The following PPM1L variants were observed in gnomAD, a reference collection of about 807,000 sequenced individuals.
The protein encoded by PPM1L is protein phosphatase, Mg2+/Mn2+ dependent 1L.
Under a neutral mutation model 31.4 loss-of-function variants are expected in PPM1L, and 13 were observed. The ratio of observed to expected loss-of-function variants is 0.41; its 90% CI spans 0.27 to 0.66. The LOEUF is 0.66. Among genes scored for constraint, PPM1L ranks in the 30% least tolerant of loss-of-function variants. The probability of loss-of-function intolerance (pLI) is 0.29; values close to 1 mark genes in which losing one functional copy is unlikely to be tolerated. For synonymous variants in PPM1L, 184 were observed against 175.4 expected (o/e 1.05, Z -0.39); for missense variants, 326 against 453.7 (o/e 0.72, Z 2.56).
At chr3:161,036,714 T>C (rs1253350225) in intron 2 of PPM1L, among the ~76,000 whole-genome samples, 2 of 152,212 alleles carry the variant, frequency 1.3e-5, no homozygotes, top group African/African-American at 4.8e-5. Flanking sequence ...TTTAGTCCCA[T>C]ACTAGTCATT....
chr3:160,904,233 C>T (rs1425103092), intron 1 of PPM1L, among the ~76,000 whole-genome samples: 1 of 152,152 alleles, frequency 6.6e-6, no homozygotes, highest in Non-Finnish European at 1.5e-5. Context: ...CGATTTTACT[C>T]TAGATAATAT....
At chr3:160,996,232 T>C (rs1717318514) in intron 2 of PPM1L, among the ~76,000 whole-genome samples, 1 of 152,162 alleles carries the variant, frequency 6.6e-6, no homozygotes, top group Non-Finnish European at 1.5e-5. Context: ...ACAGTGTGGA[T>C]ATTCCTTAAA....
chr3:160,849,134 G>A (rs1191530704), intron 1 of PPM1L, among the ~76,000 whole-genome samples: 1 of 152,068 alleles, frequency 6.6e-6, no homozygotes, highest in African/African-American at 2.4e-5. Flanking sequence ...AATAATTGGT[G>A]TTTTCTGGTC....
chr3:160,948,138 G>T (rs901870605), intron 1 of PPM1L, among the ~76,000 whole-genome samples: 4 of 152,106 alleles, frequency 2.6e-5, no homozygotes, highest in South Asian at 2.1e-4. Flanking sequence ...GACTGTGACT[G>T]CCCGTCCAGC....
Position 161,073,667 on chromosome 3 carries a change from T to C in PPM1L, c.*4510T>C, listed in dbSNP as rs1720009089. The C allele has an allele frequency of 6.6e-6, 1 of 151,634 alleles. No individual in the cohort carries two copies. Among genetic ancestry groups the C allele is most frequent in the Non-Finnish European group, 1.5e-5 (1 of 67,982 alleles). 9.4% of individuals were successfully genotyped at this position (151,634 alleles called of 1,614,324 possible). On this transcript the variant is annotated 3_prime_UTR_variant, in exon 4 of 4. Transcript: ENST00000498165. ...AGCTCCGCCTCCCAGGTTCACACCA[T>C]TCTCCTGCCTCAGCCTCCTGAGCAG...
chr3:160,844,604 A>G (rs565106367), intron 1 of PPM1L, among the ~76,000 whole-genome samples: 14 of 152,080 alleles, frequency 9.2e-5, no homozygotes, highest in Non-Finnish European at 1.5e-4. Context: ...GCAGAGGAAA[A>G]GTTTTTAATC....
At chr3:161,062,001 T>C (rs551884828) in intron 2 of PPM1L, among the ~76,000 whole-genome samples, 1 of 152,340 alleles carries the variant, frequency 6.6e-6, no homozygotes, top group South Asian at 2.1e-4. Context: ...CTCTGTGCTC[T>C]ACCATCCTGC....
At chr3:160,915,062 A>G (rs1041094197) in intron 1 of PPM1L, among the ~76,000 whole-genome samples, 3 of 152,176 alleles carry the variant, frequency 2.0e-5, no homozygotes, top group Non-Finnish European at 4.4e-5. Flanking sequence ...GGCCAGGGCA[A>G]TCAGGCAGGA....
intron 1 of PPM1L, among the ~76,000 whole-genome samples, chr3:160,874,633 T>C (rs964321131): frequency 6.6e-6 from 1 of 152,194 alleles, no homozygotes; most frequent in Admixed American, 6.5e-5. Flanking sequence ...CATTGAGAGG[T>C]AGAGGGCTGT....
intron 1 of PPM1L, among the ~76,000 whole-genome samples, chr3:160,876,909 C>T (rs1001183213): frequency 1.1e-4 from 17 of 152,260 alleles, no homozygotes; most frequent in Admixed American, 9.2e-4. Context: ...TTTTTATATC[C>T]TTTGGGAATG....
intron 1 of PPM1L, among the ~76,000 whole-genome samples, chr3:160,956,055 A>T (rs1218318809): frequency 6.6e-6 from 1 of 152,214 alleles, no homozygotes; most frequent in African/African-American, 2.4e-5. Context: ...GTTCTTAAAG[A>T]ATATACCATA....
intron 2 of PPM1L, among the ~76,000 whole-genome samples, chr3:161,056,577 A>G (rs1719419675): frequency 6.6e-6 from 1 of 152,160 alleles, no homozygotes; most frequent in African/African-American, 2.4e-5. Flanking sequence ...CCCTGTTAAT[A>G]TTTGTTAAAA....
rs1390868986 is a variant in PPM1L, at chr3:160,996,583, A to G, written c.574+34673A>G. Among the ~76,000 whole-genome samples, 5 of 152,306 alleles carry G rather than the reference A, an allele frequency of 3.3e-5. No homozygotes were observed. The East Asian group carries it at 9.7e-4, about 29-fold the overall frequency. ...TGTTGTCACTCATAAGTGGGAGCTAAGCTATGTGGATGCAAAGACATAAGA... is the reference window on the plus strand; with the variant it reads ...TGTTGTCACTCATAAGTGGGAGCTAGGCTATGTGGATGCAAAGACATAAGA... On this transcript the variant is annotated intron_variant, in intron 2 of 3. Transcript: ENST00000498165.
intron 2 of PPM1L, among the ~76,000 whole-genome samples, chr3:160,975,429 T>C (rs1716532171): frequency 6.6e-6 from 1 of 152,204 alleles, no homozygotes; most frequent in Non-Finnish European, 1.5e-5. Context: ...GGTAGCTTGA[T>C]GGGGATGGCA....
chr3:160,927,606 A>ATGTGTGTG (rs141545778), intron 1 of PPM1L, among the ~76,000 whole-genome samples: 5 of 148,462 alleles, frequency 3.4e-5, no homozygotes, highest in South Asian at 2.1e-4. Flanking sequence ...TCATTTCCCT[A>ATGTGTGTG]TGTGTGTGTG....
chr3:161,060,452 C>CG (rs914305022), intron 2 of PPM1L, among the ~76,000 whole-genome samples: 2 of 152,024 alleles, frequency 1.3e-5, no homozygotes, highest in African/African-American at 4.8e-5. Flanking sequence ...TGAAATAGCC[C>CG]GGGGGCTAAA....
rs1256625756 is a variant in PPM1L at position 161,078,782 on chromosome 3, T to C, written c.*9625T>C. On this transcript the variant is annotated 3_prime_UTR_variant, in exon 4 of 4. Transcript: ENST00000498165. ...ATGGGTGCTCGGGTAGAATTAGCCT[T>C]GTAGAGACTAATGTGTTCATGCTAT... 1 of 152,198 alleles carries C rather than the reference T, an allele frequency of 6.6e-6. No individual in the cohort carries two copies. Among genetic ancestry groups the C allele is most frequent in the Admixed American group, 6.5e-5 (1 of 15,276 alleles). The allele number at this position is 152,198 out of a possible 1,614,324, so 9.4% of individuals were successfully genotyped here. A position where few individuals can be genotyped will look rare whatever the true frequency, so the allele number is the denominator to read the frequency against.
intron 2 of PPM1L, among the ~76,000 whole-genome samples, chr3:160,974,742 G>A (rs1409302214): frequency 2.0e-5 from 3 of 146,410 alleles, no homozygotes; most frequent in African/African-American, 5.1e-5. Flanking sequence ...TTGTAAATTT[G>A]TTGGAGTTCA....
chr3:160,805,951 A>G (rs1453869146), intron 1 of PPM1L, among the ~76,000 whole-genome samples: 1 of 152,070 alleles, frequency 6.6e-6, no homozygotes, highest in Non-Finnish European at 1.5e-5. Flanking sequence ...TTGAGCCCAT[A>G]TTCTTGCCAT....
Sources: gnomAD v4.1 joint callset for allele counts (sites outside exome capture counted in the v4.1 genomes callset) on GRCh38, gnomAD v4.1.1 for gene constraint, MANE v1.5 for transcripts, NCBI Gene and HGNC (gene_info 2026-07-23, HGNC 2026-07-21) for gene names.